SPATC1: variants seen among roughly 807,000 people sequenced by gnomAD.
The protein encoded by SPATC1 is speriolin.
Under a neutral mutation model 36.5 loss-of-function variants are expected in SPATC1, and 35 were observed. That is an observed-to-expected ratio of 0.96 (90% CI 0.73 to 1.27). The LOEUF (loss-of-function observed/expected upper bound fraction) is 1.27. Ranked by LOEUF, SPATC1 falls within the 50% of genes most tolerant of loss-of-function variation. The pLI is 0.00. For missense variants in SPATC1, 779 were observed against 796.0 expected, an observed-to-expected ratio of 0.98 and a Z score of 0.26; for synonymous variants, 361 against 353.6, an observed-to-expected ratio of 1.02 and a Z score of -0.24.
intron 1 of SPATC1, among the ~76,000 whole-genome samples, chr8:144,017,721 T>A (rs145479152): frequency 1.8e-3 from 270 of 152,302 alleles, no homozygotes; most frequent in African/African-American, 6.2e-3. Flanking sequence ...AAATAGAAAG[T>A]AGTTTAACAG....
In SPATC1 at chr8:144,045,476, A is replaced by T. The variant is rs1473968353; in HGVS notation, c.1447-1151A>T. Among the ~76,000 whole-genome samples, 1 of 152,130 alleles carries T rather than the reference A, an allele frequency of 6.6e-6. No homozygotes were observed. The highest frequency in any genetic ancestry group is 1.5e-5 in the Non-Finnish European group (1 of 68,024). ...CAGCTTGTGTGGGCAAGGAGTAGGG[A>T]AGAGTATTCCCTGCAGGTTGGGGAC... is the stretch of plus-strand genomic sequence containing the variant. On this transcript the variant is annotated intron_variant, in intron 4 of 4. Coordinates refer to ENST00000377470, the MANE Select transcript of SPATC1 (RefSeq NM_198572.3). This position sits in a 1 kb window ranked among gnomAD's most constrained non-coding sequence, Gnocchi z 5.2.
In SPATC1 at chr8:144,016,351, G is replaced by A. The variant is rs2133098148; in HGVS notation, c.211+3625G>A. 6.6e-6 allele frequency among the ~76,000 whole-genome samples: 1 copy of A among 152,248 alleles called. No homozygotes were observed. The highest frequency in any genetic ancestry group is 6.5e-5 in the Admixed American group (1 of 15,276). On this transcript the variant is annotated intron_variant, in intron 1 of 4. Coordinates refer to ENST00000377470, the MANE Select transcript of SPATC1 (RefSeq NM_198572.3). This position sits in a 1 kb window ranked among gnomAD's most constrained non-coding sequence, Gnocchi z 4.5. ...AATGTGTGCATATGGCTCTGTGTGT[G>A]TGTGAGTTGCTGTGTGTGTGTGTGA...
At chr8:144,032,114 T>C (rs1399519448) in intron 1 of SPATC1, among the ~76,000 whole-genome samples, 1 of 152,154 alleles carries the variant, frequency 6.6e-6, no homozygotes, top group African/African-American at 2.4e-5. Context: ...CTATGCTTGA[T>C]GGTGTCCCAG....
chr8:144,036,738 A>G (rs1326730194), intron 1 of SPATC1, among the ~76,000 whole-genome samples: 2 of 152,148 alleles, frequency 1.3e-5, no homozygotes, highest in Non-Finnish European at 2.9e-5. Flanking sequence ...GGGGAACATC[A>G]GAACACTTCC....
intron 1 of SPATC1, among the ~76,000 whole-genome samples, chr8:144,036,419 G>C (rs1470013738): frequency 2.6e-5 from 4 of 152,044 alleles, no homozygotes; most frequent in African/African-American, 7.2e-5. Flanking sequence ...CAACCTCCTG[G>C]GATCAGGTGA....
rs569850318 is a variant in SPATC1 at position 144,045,194 on chromosome 8, G to A, written c.1447-1433G>A. 2.6e-3 allele frequency among the ~76,000 whole-genome samples: 396 copies of A among 152,302 alleles called. 3 individuals carry two copies. The highest frequency in any genetic ancestry group is 4.6e-3 in the Non-Finnish European group (310 of 68,020). On this transcript the variant is annotated intron_variant, in intron 4 of 4. Transcript: ENST00000377470. The surrounding 1 kb of genome is among the most constrained non-coding windows in gnomAD (Gnocchi z 5.2). ...GCTGTCCACGGGCCCTCACTCTTGC[G>A]CTGAACCTCAATGGTGTCTTCCTGC... is the stretch of plus-strand genomic sequence containing the variant.
At chr8:144,031,705 CT>C (rs1214998964) in intron 1 of SPATC1, among the ~76,000 whole-genome samples, 14 of 144,936 alleles carry the variant, frequency 9.7e-5, no homozygotes, top group Non-Finnish European at 1.8e-4. Context: ...TTTTCTTTTT[CT>C]TTTTTTTTCT....
Position 144,012,345 on chromosome 8 carries a change from C to T in SPATC1, c.-171C>T. 1 of 618,544 alleles carries T rather than the reference C, an allele frequency of 1.6e-6. No individual in the cohort carries two copies. The highest frequency in any genetic ancestry group is 2.9e-6 in the Non-Finnish European group (1 of 348,112). 38.3% of individuals were successfully genotyped at this position (618,544 alleles called of 1,614,324 possible). ...GCATGGAGAGCTGAGGGTGTTAGAG[C>T]AGAGAGGGCAAGGAAGAGGGCACAG... On this transcript the variant is annotated 5_prime_UTR_variant, in exon 1 of 5. Coordinates refer to ENST00000377470, the MANE Select transcript of SPATC1 (RefSeq NM_198572.3).
intron 1 of SPATC1, among the ~76,000 whole-genome samples, chr8:144,038,447 C>A (rs1209615167): frequency 5.1e-4 from 72 of 141,064 alleles, no homozygotes; most frequent in African/African-American, 1.6e-3. Context: ...AAAAAAAAAA[C>A]CGCATGAATT....
intron 4 of SPATC1, among the ~76,000 whole-genome samples, chr8:144,044,516 G>T (rs1251469066): frequency 4.7e-5 from 7 of 149,146 alleles, no homozygotes; most frequent in South Asian, 2.1e-4. Flanking sequence ...CACAGTGTTC[G>T]CCAGGATGGT....
At chr8:144,029,020 G>T (rs1834740660) in intron 1 of SPATC1, among the ~76,000 whole-genome samples, 1 of 151,912 alleles carries the variant, frequency 6.6e-6, no homozygotes, top group South Asian at 2.1e-4. Context: ...CATGGACACA[G>T]GGAGGAGAGC....
intron 1 of SPATC1, among the ~76,000 whole-genome samples, chr8:144,020,816 AACTCTCTTCTCTCAGG>A (rs1834505312): frequency 1.6e-5 from 1 of 61,002 alleles, no homozygotes; most frequent in Non-Finnish European, 3.4e-5. Context: ...CTCCCCTCAG[AACTCTCTTCTCTCAGG>A]ACCCTCTTCC....
intron 1 of SPATC1, among the ~76,000 whole-genome samples, chr8:144,015,871 AAC>A (rs1425962437): frequency 6.6e-6 from 1 of 151,850 alleles, no homozygotes; most frequent in Non-Finnish European, 1.5e-5. Flanking sequence ...CATCCTAGCA[AAC>A]ACAGTGAAAC....
chr8:144,031,518 G>A (rs1834795803), intron 1 of SPATC1, among the ~76,000 whole-genome samples: 1 of 145,794 alleles, frequency 6.9e-6, no homozygotes, highest in Admixed American at 7.0e-5. Context: ...TGAACTCCTG[G>A]CCTCAAGCGA....
intron 1 of SPATC1, among the ~76,000 whole-genome samples, chr8:144,036,840 G>T (rs962017271): frequency 7.9e-5 from 12 of 151,958 alleles, no homozygotes; most frequent in African/African-American, 1.9e-4. Flanking sequence ...CACGGGAATC[G>T]ATTGAAATGC....
chr8:144,035,154 C>T (rs1344239064), intron 1 of SPATC1, among the ~76,000 whole-genome samples: 9 of 152,322 alleles, frequency 5.9e-5, no homozygotes, highest in Middle Eastern at 3.4e-3. Flanking sequence ...GGCCTGGCAT[C>T]TGCCCCCTGC....
intron 1 of SPATC1, among the ~76,000 whole-genome samples, chr8:144,018,719 G>A (rs1376687202): frequency 2.0e-5 from 3 of 151,742 alleles, no homozygotes; most frequent in South Asian, 2.1e-4. Flanking sequence ...AGGATGGAGC[G>A]GGGAAGGTCT....
intron 1 of SPATC1, among the ~76,000 whole-genome samples, chr8:144,021,330 G>A (rs1224290817): frequency 0.22 from 90 of 408 alleles, 4 homozygotes; most frequent in Admixed American, 0.25. Flanking sequence ...CTGCCCTCAT[G>A]ACCCAGTTTC....
rs1834601061 is a variant in SPATC1, at chr8:144,023,647, CTTCCCTCA to C, written c.211+10922_211+10929del. 2.6e-5 allele frequency among the ~76,000 whole-genome samples: 2 copies of C among 77,272 alleles called. 1 individual carries two copies. The highest frequency in any genetic ancestry group is 5.2e-5 in the Non-Finnish European group (2 of 38,724). 50.7% of individuals were successfully genotyped at this position (77,272 alleles called of 152,430 possible). On this transcript the variant is annotated intron_variant, in intron 1 of 4. Transcript: ENST00000377470. ...CAGGACCCTCTTCCCTGAGGAACTT[CTTCCCTCA>C]GGACCCTCTCCCCTTGAAACTCCCC...
Sources: allele counts gnomAD v4.1 joint callset (sites outside exome capture counted in the v4.1 genomes callset), GRCh38; gene constraint gnomAD v4.1.1; non-coding constraint Gnocchi (gnomAD v3.1); transcripts MANE v1.5; gene names NCBI Gene and HGNC (gene_info 2026-07-23, HGNC 2026-07-21).